Variants in UBR2 observed in about 807,000 individuals in gnomAD.
UBR2 encodes E3 ubiquitin-protein ligase UBR2.
UBR2 carries 92 observed loss-of-function variants against 247.9 expected under a neutral mutation model. The ratio of observed to expected loss-of-function variants is 0.37; its 90% CI spans 0.31 to 0.44. The LOEUF is 0.44. Ranked by LOEUF, UBR2 falls within the 20% of genes least tolerant of loss-of-function variation. UBR2 has a pLI of 1.00. For synonymous variants in UBR2, 672 were observed against 693.5 expected (o/e 0.97, Z 0.49); for missense variants, 1,613 against 2,112.6 (o/e 0.76, Z 4.64).
chr6:42,614,903 T>C (rs1484400777), intron 8 of UBR2, among the ~76,000 whole-genome samples, 168 bp from the exon 9 acceptor site: 1 of 152,256 alleles, frequency 6.6e-6, no homozygotes, highest in Non-Finnish European at 1.5e-5. Flanking sequence ...ATTTATTTCC[T>C]TTTTGTTAAA....
rs761703653 is a variant in UBR2 at position 42,641,659 on chromosome 6, G to A, written c.1998G>A (p.Met666Ile). The A allele has an allele frequency of 2.5e-6, 4 of 1,609,800 alleles. No individual in the cohort carries two copies. The Admixed American group carries it at 5.1e-5, about 20-fold the overall frequency. ...TGTGTGCCCAAGTACATGCCGGAAT[G>A]TGGAGAAGAAATGGGTTCTCTCTAG... Reference protein sequence around the residue: ...LVLCAQVHAGMWRRNGFSLVN... With the variant: ...LVLCAQVHAGIWRRNGFSLVN... The change falls in exon 17 of 47, where the codon ATG (methionine) becomes ATA (isoleucine). Residue 666 changes from methionine (M) to isoleucine (I), a missense_variant. Coordinates refer to ENST00000372901, the MANE Select transcript of UBR2 (RefSeq NM_001363705.2).
At chr6:42,626,522 AGTGGCATATTTTGGG>A (rs1355504301) in intron 11 of UBR2, among the ~76,000 whole-genome samples, 1 of 152,186 alleles carries the variant, frequency 6.6e-6, no homozygotes, top group African/African-American at 2.4e-5. Context: ...CTTATGCCAA[AGTGGCATATTTTGGG>A]GTGGCATATT....
At chr6:42,631,934 A>G (rs1216808008) in intron 11 of UBR2, among the ~76,000 whole-genome samples, 3 of 143,294 alleles carry the variant, frequency 2.1e-5, no homozygotes, top group South Asian at 2.2e-4. Context: ...ACACATACAT[A>G]TACCATCTCT....
intron 11 of UBR2, among the ~76,000 whole-genome samples, chr6:42,629,350 T>C (rs1795554225): frequency 6.6e-6 from 1 of 151,538 alleles, no homozygotes. Flanking sequence ...CAAAGTGAAT[T>C]GTAGGCATAA....
chr6:42,628,617 G>T (rs1055803703), intron 11 of UBR2, among the ~76,000 whole-genome samples: 3 of 151,662 alleles, frequency 2.0e-5, no homozygotes, highest in Non-Finnish European at 4.4e-5. Context: ...TAGCTACTCA[G>T]GTGGCTGAGA....
chr6:42,649,377 G>C (rs534982793), intron 22 of UBR2, among the ~76,000 whole-genome samples: 3 of 152,204 alleles, frequency 2.0e-5, no homozygotes, highest in Middle Eastern at 6.8e-3. Context: ...ATAGCTTCCA[G>C]ATTTTCTCTT....
intron 7 of UBR2, among the ~76,000 whole-genome samples, chr6:42,609,219 CAT>C (rs1358724497): frequency 6.6e-6 from 1 of 152,152 alleles, no homozygotes; most frequent in African/African-American, 2.4e-5. Flanking sequence ...GAATTTATCT[CAT>C]AGAAATACAA....
At chr6:42,686,016 A>C (rs544748466) in intron 44 of UBR2, among the ~76,000 whole-genome samples, 2 of 152,098 alleles carry the variant, frequency 1.3e-5, no homozygotes, top group African/African-American at 4.8e-5. Context: ...TAAGCATTCC[A>C]TTCCTATACA....
chr6:42,566,003 T>A (rs568774347), intron 1 of UBR2, among the ~76,000 whole-genome samples: 1 of 152,178 alleles, frequency 6.6e-6, no homozygotes, highest in Non-Finnish European at 1.5e-5. Flanking sequence ...GTGTTACAAG[T>A]AAACTGTTAA....
Position 42,564,319 on chromosome 6 carries a change from G to C in UBR2, c.-1G>C. 1 of 1,610,008 alleles carries C rather than the reference G, an allele frequency of 6.2e-7. No homozygotes were observed. On this transcript the variant is annotated 5_prime_UTR_variant, in exon 1 of 47. Coordinates refer to ENST00000372901, the MANE Select transcript of UBR2 (RefSeq NM_001363705.2). Reference sequence around the variant, plus strand: ...AGCGCTGGGGAGGAGGAGGAGAGAAGATGGCGTCGGAGCTAGAGCCAGAGG... The same window carrying C: ...AGCGCTGGGGAGGAGGAGGAGAGAACATGGCGTCGGAGCTAGAGCCAGAGG...
intron 1 of UBR2, among the ~76,000 whole-genome samples, chr6:42,570,839 A>G (rs1791078848): frequency 6.6e-6 from 1 of 151,872 alleles, no homozygotes; most frequent in Admixed American, 6.6e-5. Context: ...ATGCACCACC[A>G]TGCCCAGCTA....
chr6:42,565,406 C>T (rs1003791455), intron 1 of UBR2, among the ~76,000 whole-genome samples: 1 of 152,150 alleles, frequency 6.6e-6, no homozygotes, highest in African/African-American at 2.4e-5. Flanking sequence ...GGATTGGGGG[C>T]ACTGTGGAGC....
intron 1 of UBR2, among the ~76,000 whole-genome samples, chr6:42,571,139 A>G (rs1791104133): frequency 6.7e-6 from 1 of 148,556 alleles, no homozygotes; most frequent in South Asian, 2.1e-4. Context: ...GCTACTTGGG[A>G]GGCTGAGGCA....
chr6:42,574,034 A>G (rs1270830486), intron 2 of UBR2, 41 bp downstream of exon 2: 1 of 1,484,658 alleles, frequency 6.7e-7, no homozygotes, highest in East Asian at 2.4e-5. Flanking sequence ...CTCTTGTTTT[A>G]TTTGACCTCT....
intron 11 of UBR2, chr6:42,619,461 T>TTTC (rs1794828079): frequency 3.6e-5 from 4 of 110,204 alleles, no homozygotes. Flanking sequence ...ATATTTTTTT[T>TTTC]TTTTAGTTCT....
intron 1 of UBR2, among the ~76,000 whole-genome samples, chr6:42,568,768 G>A (rs950734675): frequency 2.0e-5 from 3 of 152,076 alleles, no homozygotes; most frequent in Admixed American, 2.0e-4. Flanking sequence ...TATCCATGTT[G>A]TACCATGTAC....
chr6:42,654,512 G>A (rs1562364053), intron 25 of UBR2, among the ~76,000 whole-genome samples: 3 of 152,224 alleles, frequency 2.0e-5, no homozygotes, highest in Middle Eastern at 3.4e-3. Flanking sequence ...ATCACTTGGG[G>A]TCGGGAGTTC....
chr6:42,665,627 C>A (rs971717300), intron 33 of UBR2, 115 bp downstream of exon 33: 2 of 787,308 alleles, frequency 2.5e-6, no homozygotes, highest in Non-Finnish European at 4.0e-6. Context: ...TTGACTCATT[C>A]TAATTTTCCT....
At position 42,673,775 on chromosome 6, in the gene UBR2, C is replaced by A; in HGVS notation, c.4087-16C>A. 1 of 1,598,652 alleles carries A rather than the reference C, an allele frequency of 6.3e-7. No individual in the cohort carries two copies. Among genetic ancestry groups the A allele is most frequent in the South Asian group, 1.1e-5 (1 of 89,580 alleles). On this transcript the variant is annotated splice_polypyrimidine_tract_variant and intron_variant, in intron 36 of 46. Transcript: ENST00000372901. The stretch of plus-strand genomic sequence containing the variant: ...TTGCATTTTTGTTTTTTGTTAATTG[C>A]GTTGGTTTATTTTAGGATGACTGTC...
Sources: allele counts gnomAD v4.1 joint callset (sites outside exome capture counted in the v4.1 genomes callset), GRCh38; gene constraint gnomAD v4.1.1; transcripts MANE v1.5; gene names NCBI Gene and HGNC (gene_info 2026-07-23, HGNC 2026-07-21).